The following COA1 variants were observed in gnomAD, a reference collection of about 807,000 sequenced individuals.
COA1 encodes cytochrome c oxidase assembly factor 1.
In COA1, 13 loss-of-function variants were observed where a neutral mutation model predicts 16.0. That is an observed-to-expected ratio of 0.81 (90% confidence interval 0.53 to 1.29). The LOEUF is 1.29. Ranked by LOEUF, COA1 falls within the 50% of genes most tolerant of loss-of-function variation. COA1 has a pLI of 0.00. For synonymous variants in COA1, 65 were observed against 65.7 expected, an observed-to-expected ratio of 0.99 and a Z score of 0.05; for missense variants, 179 against 177.0, an observed-to-expected ratio of 1.01 and a Z score of -0.06.
At chr7:43,683,415 G>A (rs972784245) in intron 1 of COA1, among the ~76,000 whole-genome samples, 2 of 152,014 alleles carry the variant, frequency 1.3e-5, no homozygotes, top group East Asian at 1.9e-4. Flanking sequence ...GGTGGATCAC[G>A]AGGTCAGGAG....
intron 6 of COA1, among the ~76,000 whole-genome samples, chr7:43,634,127 T>A (rs917978068): frequency 2.6e-5 from 4 of 152,224 alleles, no homozygotes; most frequent in African/African-American, 4.8e-5. Context: ...ATCTTTTTTT[T>A]AAATGATGGC....
chr7:43,696,386 C>G (rs2094528119), intron 1 of COA1, among the ~76,000 whole-genome samples: 1 of 152,138 alleles, frequency 6.6e-6, no homozygotes, highest in South Asian at 2.1e-4. Flanking sequence ...TATTATAATT[C>G]AAGGTGAGAT....
intron 1 of COA1, among the ~76,000 whole-genome samples, chr7:43,720,275 CA>C (rs879700626): frequency 1.0e-3 from 141 of 136,916 alleles, no homozygotes; most frequent in Non-Finnish European, 9.6e-4. Context: ...AAAACTCTGT[CA>C]AAAAAAAAAA....
intron 4 of COA1, among the ~76,000 whole-genome samples, chr7:43,644,430 TA>T (rs761084357): frequency 4.6e-5 from 7 of 152,198 alleles, no homozygotes; most frequent in Non-Finnish European, 8.8e-5. Context: ...AATGGGTTGG[TA>T]TTCTGTGGAA....
intron 1 of COA1, among the ~76,000 whole-genome samples, chr7:43,698,097 T>G (rs2094585825): frequency 6.6e-6 from 1 of 152,174 alleles, no homozygotes; most frequent in South Asian, 2.1e-4. Flanking sequence ...ACTTATTAAT[T>G]AGATTAATAC....
chr7:43,701,446 TG>T (rs1193250067), intron 1 of COA1, among the ~76,000 whole-genome samples: 1 of 152,244 alleles, frequency 6.6e-6, no homozygotes, highest in Non-Finnish European at 1.5e-5. Flanking sequence ...GACATGATTC[TG>T]CTCTTTTTTA....
chr7:43,622,675 A>G (rs1319424923), intron 6 of COA1: 1 of 147,282 alleles, frequency 6.8e-6, no homozygotes, highest in Non-Finnish European at 1.5e-5. Flanking sequence ...TGTGGCAGCA[A>G]TTTACTTTAT....
intron 1 of COA1, among the ~76,000 whole-genome samples, chr7:43,689,717 T>A (rs10226623): frequency 0.15 from 22,346 of 152,138 alleles, 2,188 homozygotes; most frequent in Non-Finnish European, 0.21. Flanking sequence ...TAACACATAG[T>A]AATAAAATAT....
At chr7:43,684,042 C>T (rs1404012046) in intron 1 of COA1, among the ~76,000 whole-genome samples, 1 of 152,146 alleles carries the variant, frequency 6.6e-6, no homozygotes, top group African/African-American at 2.4e-5. Flanking sequence ...ATGCTACTGT[C>T]GGCTAGAATC....
intron 1 of COA1, among the ~76,000 whole-genome samples, chr7:43,690,817 C>T (rs1321124773): frequency 6.6e-6 from 1 of 152,016 alleles, no homozygotes; most frequent in Non-Finnish European, 1.5e-5. Flanking sequence ...GTTGGTCTAA[C>T]ACAGACTAAT....
At chr7:43,642,177 TG>T (rs2087332169) in intron 4 of COA1, 1 of 152,336 alleles carries the variant, frequency 6.6e-6, no homozygotes, top group Non-Finnish European at 1.5e-5. Flanking sequence ...TGGCCGGGTA[TG>T]GTGGCTTCCG....
In COA1 at chr7:43,696,573, T is replaced by C. The variant is rs1269880573; in HGVS notation, c.-39+32856A>G. On this transcript the variant is annotated intron_variant, in intron 1 of 5. Transcript: ENST00000223336. ...CAAACTACAAATATCAACATGACTG[T>C]AGTTCAAAATCACAAGGCTGAACTA... Among the ~76,000 whole-genome samples the C allele has an allele frequency of 2.0e-5, 3 of 152,182 alleles. No individual in the cohort carries two copies. In the East Asian group the frequency reaches 5.8e-4, roughly 29 times the overall value.
In COA1 at chr7:43,648,382, G is replaced by C. The variant is rs1173956684; in HGVS notation, c.15+218C>G. Reference sequence around the variant, plus strand: ...ACTGGGTTATGGAGAGGTTCCCAGAGTGTTACAGCTTCCAACGCCAGCATG... The same window carrying C: ...ACTGGGTTATGGAGAGGTTCCCAGACTGTTACAGCTTCCAACGCCAGCATG... On this transcript the variant is annotated intron_variant, in intron 2 of 5. Coordinates refer to ENST00000223336, the MANE Select transcript of COA1 (RefSeq NM_018224.4). 1.2e-5 allele frequency: 8 copies of C among 646,794 alleles called. No individual in the cohort carries two copies. In the Admixed American group the frequency reaches 2.0e-4, roughly 16 times the overall value. The allele number at this position is 646,794 out of a possible 1,614,324, so 40.1% of individuals were successfully genotyped here.
chr7:43,656,488 G>A (rs1026270773), intron 1 of COA1, among the ~76,000 whole-genome samples: 1 of 151,700 alleles, frequency 6.6e-6, no homozygotes, highest in Non-Finnish European at 1.5e-5. Context: ...ACGAGGTCAA[G>A]AGATCGAGAC....
chr7:43,655,735 G>T (rs1859876), intron 1 of COA1, among the ~76,000 whole-genome samples: 4 of 152,086 alleles, frequency 2.6e-5, no homozygotes, highest in South Asian at 4.1e-4. Flanking sequence ...CCTGATAGTT[G>T]TATCTTCCCC....
At chr7:43,673,759 G>A (rs1434416972) in intron 1 of COA1, among the ~76,000 whole-genome samples, 2 of 152,150 alleles carry the variant, frequency 1.3e-5, no homozygotes, top group Non-Finnish European at 1.5e-5. Context: ...CCCACCAATG[G>A]TGGAATGGAT....
At chr7:43,640,407 G>A (rs986652907) in intron 5 of COA1, among the ~76,000 whole-genome samples, 166 bp downstream of exon 5, 3 of 152,238 alleles carry the variant, frequency 2.0e-5, no homozygotes, top group Non-Finnish European at 2.9e-5. Context: ...GCTAAGAGCC[G>A]CAGTACTGGC....
intron 6 of COA1, chr7:43,623,539 A>C (rs759766186): frequency 1.3e-6 from 2 of 1,595,348 alleles, no homozygotes; most frequent in Non-Finnish European, 1.7e-6. Context: ...TTTTTCCACA[A>C]AACTAAATGT....
At chr7:43,695,889 C>T (rs1238076624) in intron 1 of COA1, among the ~76,000 whole-genome samples, 1 of 152,180 alleles carries the variant, frequency 6.6e-6, no homozygotes, top group African/African-American at 2.4e-5. Context: ...ACAGCAACTC[C>T]CTTACAAATA....
Sources: gnomAD v4.1 joint callset for allele counts (sites outside exome capture counted in the v4.1 genomes callset) on GRCh38, gnomAD v4.1.1 for gene constraint, MANE v1.5 for transcripts, NCBI Gene and HGNC (gene_info 2026-07-23, HGNC 2026-07-21) for gene names.